Variants in RTN1 observed in about 807,000 individuals in gnomAD.
The protein encoded by RTN1 is reticulon-1.
A neutral mutation model predicts 65.5 loss-of-function variants in RTN1; 25 were observed. The observed-to-expected ratio is 0.38, with a 90% CI of 0.28 to 0.53. RTN1 has a LOEUF of 0.53. Ranked by LOEUF, RTN1 falls within the 20% of genes least tolerant of loss-of-function variation. RTN1 has a pLI of 0.79. For missense variants in RTN1, 983 were observed against 1,025.4 expected, an observed-to-expected ratio of 0.96 and a Z score of 0.57; for synonymous variants, 471 against 447.6, an observed-to-expected ratio of 1.05 and a Z score of -0.66.
Position 59,774,789 on chromosome 14 carries a change from A to G in RTN1, c.242-28308T>C, listed in dbSNP as rs1224784803. Among the ~76,000 whole-genome samples, 1 of 152,132 alleles carries G rather than the reference A, an allele frequency of 6.6e-6. No individual in the cohort carries two copies. The highest frequency in any genetic ancestry group is 6.6e-5 in the Admixed American group (1 of 15,252). ...AATCAGCCAACAGCCAACTCACAAC[A>G]TCTCCCCAAGGAGACCACATGATCA... On this transcript the variant is annotated intron_variant, in intron 1 of 8. Coordinates refer to ENST00000267484, the MANE Select transcript of RTN1 (RefSeq NM_021136.3). This position sits in a 1 kb window ranked among gnomAD's most constrained non-coding sequence, Gnocchi z 5.1.
In RTN1 at chr14:59,790,260, A is replaced by G. The variant is rs1886324451; in HGVS notation, c.242-43779T>C. Among the ~76,000 whole-genome samples the G allele has an allele frequency of 1.3e-5, 2 of 152,052 alleles. No individual in the cohort carries two copies. The highest frequency in any genetic ancestry group is 4.8e-5 in the African/African-American group (2 of 41,422). On this transcript the variant is annotated intron_variant, in intron 1 of 8. Transcript: ENST00000267484. The surrounding 1 kb of genome is among the most constrained non-coding windows in gnomAD (Gnocchi z 4.1). ...AGTGGTAACAATCTACTCATTCATT[A>G]TGTATGTCACACACACACACAGACA... is the stretch of plus-strand genomic sequence containing the variant.
intron 3 of RTN1, among the ~76,000 whole-genome samples, chr14:59,623,486 A>G (rs1289195772): frequency 6.6e-6 from 1 of 152,236 alleles, no homozygotes; most frequent in African/African-American, 2.4e-5. Context: ...GATAACCGGG[A>G]TCAAAGGAAG....
At position 59,746,116 on chromosome 14, in the gene RTN1, C is replaced by T. The variant is rs770735520; in HGVS notation, c.607G>A (p.Glu203Lys). The change falls in exon 2 of 9, where the codon GAG becomes AAG. Residue 203 changes from glutamate (E) to lysine (K), a missense_variant. Around this residue, in one of 2 missense-constraint regions of RTN1, gnomAD observed 818 missense variants for 801.8 expected, o/e 1.02. Transcript: ENST00000267484. The part of the protein sequence containing the change: ...AYKYIDITRP[E>K]EVKHQEQHHP... ...TGTTGTTCTTGGTGCTTCACCTCCT[C>T]GGGTCTGGTTATGTCAATGTATTTA... The T allele has an allele frequency of 1.7e-5, 28 of 1,612,696 alleles. No individual in the cohort carries two copies. The highest frequency in any genetic ancestry group is 5.0e-5 in the Admixed American group (3 of 59,784).
At chr14:59,688,171 G>A (rs1883887213) in intron 3 of RTN1, among the ~76,000 whole-genome samples, 1 of 152,164 alleles carries the variant, frequency 6.6e-6, no homozygotes. Context: ...TGTTCTCCTG[G>A]ATTAGCAGCT....
intron 3 of RTN1, among the ~76,000 whole-genome samples, chr14:59,658,574 T>C (rs1276014868): frequency 2.0e-5 from 3 of 152,196 alleles, no homozygotes; most frequent in Non-Finnish European, 1.5e-5. Flanking sequence ...CAGCCTCCAC[T>C]GGTGATACCC....
intron 1 of RTN1, among the ~76,000 whole-genome samples, chr14:59,752,604 T>C (rs1018469246): frequency 1.3e-5 from 2 of 152,206 alleles, no homozygotes; most frequent in South Asian, 2.1e-4. Flanking sequence ...ATACTGCTCA[T>C]GTAGCATGTA....
chr14:59,673,171 G>T (rs1205805185), intron 3 of RTN1, among the ~76,000 whole-genome samples: 2 of 152,188 alleles, frequency 1.3e-5, no homozygotes, highest in Non-Finnish European at 2.9e-5. Flanking sequence ...TACTTCCCCA[G>T]CTGGAAATCT....
In RTN1 at chr14:59,664,673, G is replaced by A. The variant is rs142318635; in HGVS notation, c.1766-57181C>T. 1.9e-3 allele frequency among the ~76,000 whole-genome samples: 282 copies of A among 152,224 alleles called. 1 individual carries two copies. The highest frequency in any genetic ancestry group is 6.4e-3 in the African/African-American group (267 of 41,548). On this transcript the variant is annotated intron_variant, in intron 3 of 8. Transcript: ENST00000267484. ...TTTTGACATCTTCAGAGGCCTGCAT[G>A]TATCAACAGTTTGTTCCTTTTTATT... is the stretch of plus-strand genomic sequence containing the variant.
At chr14:59,700,603 C>T (rs1364014149) in intron 3 of RTN1, among the ~76,000 whole-genome samples, 1 of 152,030 alleles carries the variant, frequency 6.6e-6, no homozygotes, top group African/African-American at 2.4e-5. Context: ...GCCAGGGTGA[C>T]AAGACAATAT....
chr14:59,625,552 C>CAT (rs1381325109), intron 3 of RTN1, among the ~76,000 whole-genome samples: 2 of 152,138 alleles, frequency 1.3e-5, no homozygotes, highest in Admixed American at 1.3e-4. Flanking sequence ...CTTTTTGTAA[C>CAT]ATATTCAATC....
intron 2 of RTN1, among the ~76,000 whole-genome samples, chr14:59,739,277 T>G (rs554396198): frequency 6.6e-6 from 1 of 151,928 alleles, no homozygotes; most frequent in South Asian, 2.1e-4. Flanking sequence ...TACCAGCACT[T>G]TGGGATGCCG....
chr14:59,784,029 T>C (rs971112447), intron 1 of RTN1, among the ~76,000 whole-genome samples: 6 of 152,220 alleles, frequency 3.9e-5, no homozygotes, highest in African/African-American at 1.4e-4. Context: ...CCTCTGCAGA[T>C]TGACTCTTCA....
At chr14:59,726,056 C>A (rs181918065) in intron 3 of RTN1, among the ~76,000 whole-genome samples, 20 of 152,242 alleles carry the variant, frequency 1.3e-4, no homozygotes, top group Non-Finnish European at 2.4e-4. Context: ...TAACTTCACC[C>A]ATTAACAAAA....
At chr14:59,768,162 T>C (rs767660033) in intron 1 of RTN1, among the ~76,000 whole-genome samples, 4 of 152,206 alleles carry the variant, frequency 2.6e-5, no homozygotes, top group Non-Finnish European at 5.9e-5. Flanking sequence ...AATTGGGAGA[T>C]ACTTGAGGGA....
intron 3 of RTN1, among the ~76,000 whole-genome samples, chr14:59,682,795 T>C (rs1161099912): frequency 6.6e-6 from 1 of 152,164 alleles, no homozygotes; most frequent in Admixed American, 6.5e-5. Flanking sequence ...AATTCTATGA[T>C]TAAAGTGACT....
chr14:59,684,369 A>G (rs1883803370), intron 3 of RTN1, among the ~76,000 whole-genome samples: 1 of 152,060 alleles, frequency 6.6e-6, no homozygotes. Flanking sequence ...ATATTTTTCA[A>G]AAGTTATAAT....
chr14:59,646,181 C>CA (rs1882892014), intron 3 of RTN1, among the ~76,000 whole-genome samples: 1 of 152,110 alleles, frequency 6.6e-6, no homozygotes, highest in Non-Finnish European at 1.5e-5. Flanking sequence ...GAATTAACAG[C>CA]AAAATAGACC....
At chr14:59,724,441 A>G (rs776153988) in intron 3 of RTN1, among the ~76,000 whole-genome samples, 1 of 152,226 alleles carries the variant, frequency 6.6e-6, no homozygotes, top group Non-Finnish European at 1.5e-5. Context: ...AATGCATAAA[A>G]TTAATGCATG....
intron 3 of RTN1, among the ~76,000 whole-genome samples, chr14:59,617,529 C>A (rs1882136830): frequency 6.6e-6 from 1 of 152,130 alleles, no homozygotes; most frequent in African/African-American, 2.4e-5. Context: ...CAAACCATTT[C>A]TTGATTTGTT....
Sources: gnomAD v4.1 joint callset for allele counts (sites outside exome capture counted in the v4.1 genomes callset) on GRCh38, gnomAD v4.1.1 for gene constraint, gnomAD v4.1.1 regional missense constraint, Gnocchi (gnomAD v3.1) non-coding constraint, MANE v1.5 for transcripts, NCBI Gene and HGNC (gene_info 2026-07-23, HGNC 2026-07-21) for gene names.